Variants in ARAP2 observed in about 807,000 individuals in gnomAD.
ARAP2 encodes ArfGAP with RhoGAP domain, ankyrin repeat and PH domain 2.
Under a neutral mutation model 194.5 loss-of-function variants are expected in ARAP2, and 148 were observed. The observed-to-expected ratio is 0.76, with a 90% CI of 0.67 to 0.87. The LOEUF is 0.87. ARAP2 is among the 40% of genes least tolerant of loss of function. The pLI is 0.00. For synonymous variants in ARAP2, 695 were observed against 683.5 expected, an observed-to-expected ratio of 1.02 and a Z score of -0.26; for missense variants, 2,128 against 1,989.7, an observed-to-expected ratio of 1.07 and a Z score of -1.32.
At chr4:36,093,603 T>C (rs531574692) in intron 27 of ARAP2, among the ~76,000 whole-genome samples, 26 of 152,198 alleles carry the variant, frequency 1.7e-4, no homozygotes, top group Admixed American at 9.2e-4. Flanking sequence ...GCAGAGCTAA[T>C]TGAAGGAGAT....
At chr4:36,165,823 T>G (rs922759332) in intron 10 of ARAP2, among the ~76,000 whole-genome samples, 6 of 152,162 alleles carry the variant, frequency 3.9e-5, no homozygotes, top group African/African-American at 1.4e-4. Flanking sequence ...TGCTACATAC[T>G]TGGTCAATGA....
At chr4:36,150,334 A>T (rs769383510) in intron 16 of ARAP2, among the ~76,000 whole-genome samples, 1 of 152,164 alleles carries the variant, frequency 6.6e-6, no homozygotes, top group African/African-American at 2.4e-5. Context: ...AATGGTCATA[A>T]GTGATATGCT....
At chr4:36,176,098 T>A (rs1284354772) in intron 9 of ARAP2, among the ~76,000 whole-genome samples, 1 of 152,216 alleles carries the variant, frequency 6.6e-6, no homozygotes, top group African/African-American at 2.4e-5. Flanking sequence ...CTCTTCAACC[T>A]AGACTTTAAA....
intron 6 of ARAP2, among the ~76,000 whole-genome samples, chr4:36,209,692 T>C (rs930599670): frequency 6.6e-6 from 1 of 152,168 alleles, no homozygotes; most frequent in African/African-American, 2.4e-5. Context: ...AAGAATTTAA[T>C]AATCCATGAA....
intron 8 of ARAP2, among the ~76,000 whole-genome samples, chr4:36,183,688 G>A (rs1269440230): frequency 1.3e-5 from 2 of 152,130 alleles, no homozygotes; most frequent in Admixed American, 6.5e-5. Flanking sequence ...ACTTAATTTC[G>A]TACTTTGGGA....
rs1418800564 is a variant in ARAP2, at chr4:36,066,164, G to C, written c.*1743C>G. On this transcript the variant is annotated 3_prime_UTR_variant, in exon 33 of 33. Coordinates refer to ENST00000303965, the MANE Select transcript of ARAP2 (RefSeq NM_015230.4). ...TTTCAAGAAGAATTCAGATAAGGCA[G>C]GTAAAAACTCTAGATACTTTTCCAC... 6.6e-6 allele frequency: 1 copy of C among 152,066 alleles called. No homozygotes were observed. The highest frequency in any genetic ancestry group is 1.9e-4 in the East Asian group (1 of 5,192). 9.4% of individuals were successfully genotyped at this position (152,066 alleles called of 1,614,324 possible). A position where few individuals can be genotyped will look rare whatever the true frequency, so the allele number is the denominator to read the frequency against.
intron 1 of ARAP2, among the ~76,000 whole-genome samples, chr4:36,238,382 C>G (rs548034614): frequency 6.6e-6 from 1 of 152,114 alleles, no homozygotes; most frequent in African/African-American, 2.4e-5. Context: ...GAAAATCCGA[C>G]GCTGAATGTC....
intron 6 of ARAP2, among the ~76,000 whole-genome samples, chr4:36,200,993 A>G (rs1299913900): frequency 1.3e-5 from 2 of 152,248 alleles, no homozygotes; most frequent in African/African-American, 4.8e-5. Context: ...TACAAATTAG[A>G]TCTGAAATAA....
intron 15 of ARAP2, among the ~76,000 whole-genome samples, chr4:36,156,761 C>T (rs1732648601): frequency 6.6e-6 from 1 of 152,132 alleles, no homozygotes; most frequent in Non-Finnish European, 1.5e-5. Flanking sequence ...TCAAAGAATA[C>T]CCTGCCAGAT....
intron 8 of ARAP2, among the ~76,000 whole-genome samples, chr4:36,014,095 G>GT (rs1413395872): frequency 6.6e-6 from 1 of 151,720 alleles, no homozygotes; most frequent in Non-Finnish European, 1.5e-5. Flanking sequence ...GAGCATGGTG[G>GT]TGAGTGCCTG....
intron 5 of ARAP2, among the ~76,000 whole-genome samples, chr4:36,027,398 G>A (rs1044677854): frequency 2.6e-5 from 4 of 151,522 alleles, no homozygotes; most frequent in African/African-American, 9.7e-5. Context: ...CTCCCTCGGT[G>A]CCTTTGTATT....
chr4:36,123,552 G>A (rs768678706), intron 22 of ARAP2, among the ~76,000 whole-genome samples: 2 of 151,536 alleles, frequency 1.3e-5, no homozygotes, highest in African/African-American at 2.4e-5. Context: ...TCTCTGCTCC[G>A]AGGTGTTAAC....
downstream of ARAP2, among the ~76,000 whole-genome samples, chr4:36,061,544 G>C (rs943521840): frequency 6.6e-6 from 1 of 152,152 alleles, no homozygotes; most frequent in Non-Finnish European, 1.5e-5. Flanking sequence ...TTGTGTATAA[G>C]TACCACATTT....
At chr4:36,205,598 C>T (rs1486174918) in intron 6 of ARAP2, among the ~76,000 whole-genome samples, 2 of 53,746 alleles carry the variant, frequency 3.7e-5, no homozygotes, top group Non-Finnish European at 7.4e-5. Flanking sequence ...AAAATGGTGT[C>T]CTGAAAAAAA....
intron 7 of ARAP2, among the ~76,000 whole-genome samples, chr4:36,191,269 C>G (rs1741835141): frequency 6.6e-6 from 1 of 151,990 alleles, no homozygotes; most frequent in Non-Finnish European, 1.5e-5. Flanking sequence ...AGAAATAAGT[C>G]AAGTAGCACT....
intron 19 of ARAP2, among the ~76,000 whole-genome samples, chr4:36,134,261 A>G (rs2094467430): frequency 6.6e-6 from 1 of 151,784 alleles, no homozygotes; most frequent in Admixed American, 6.6e-5. Flanking sequence ...TTAATGTGCA[A>G]TAAGCATATC....
intron 5 of ARAP2, among the ~76,000 whole-genome samples, chr4:36,020,425 A>T (rs1361408497): frequency 6.6e-6 from 1 of 152,124 alleles, no homozygotes; most frequent in Non-Finnish European, 1.5e-5. Context: ...CCCCACCTAA[A>T]AAAAGTAAAT....
At chr4:36,051,408 C>A (rs1051930557) in intron 3 of ARAP2, among the ~76,000 whole-genome samples, 2 of 152,054 alleles carry the variant, frequency 1.3e-5, no homozygotes, top group Non-Finnish European at 2.9e-5. Flanking sequence ...ACCCGGGAGG[C>A]AGAGGTTACA....
chr4:36,079,957 C>T (rs1335906946), intron 31 of ARAP2, among the ~76,000 whole-genome samples: 1 of 152,124 alleles, frequency 6.6e-6, no homozygotes, highest in Non-Finnish European at 1.5e-5. Context: ...TAAAGCAACA[C>T]ACCTCACCTA....
Sources: gnomAD v4.1 joint callset for allele counts (sites outside exome capture counted in the v4.1 genomes callset) on GRCh38, gnomAD v4.1.1 for gene constraint, MANE v1.5 for transcripts, NCBI Gene and HGNC (gene_info 2026-07-23, HGNC 2026-07-21) for gene names.